Variants in FBN3 observed in about 807,000 individuals in gnomAD.
FBN3 encodes the protein fibrillin-3.
FBN3 carries 234 observed loss-of-function variants against 330.1 expected under a neutral mutation model. That is an observed-to-expected ratio of 0.71 (90% CI 0.64 to 0.79). The LOEUF (loss-of-function observed/expected upper bound fraction) is 0.79. FBN3 is among the 30% of genes least tolerant of loss of function. The pLI, the probability that FBN3 is intolerant of heterozygous loss-of-function variation, is 0.00. For synonymous variants in FBN3, 1,458 were observed against 1,517.3 expected (o/e 0.96, Z 0.91); for missense variants, 3,606 against 3,886.9 (o/e 0.93, Z 1.92).
chr19:8,138,005 C>G (rs1408645362), intron 10 of FBN3, 136 bp downstream of exon 10: 2 of 983,910 alleles, frequency 2.0e-6, no homozygotes, highest in Non-Finnish European at 2.9e-6. Flanking sequence ...CCCTACTAGC[C>G]AGGCCAGGAG....
chr19:8,087,338 A>C, intron 53 of FBN3, 127 bp from the exon 54 acceptor site: 1 of 1,082,086 alleles, frequency 9.2e-7, no homozygotes, highest in Non-Finnish European at 1.3e-6. Flanking sequence ...TCAAATGTCT[A>C]TCCCTCTTAG....
intron 8 of FBN3, 71 bp downstream of exon 8, chr19:8,141,646 C>A: frequency 1.3e-6 from 2 of 1,536,560 alleles, no homozygotes; most frequent in Non-Finnish European, 8.8e-7. Context: ...TGCCTTCCTG[C>A]AGGGGAGCCT....
intron 56 of FBN3, among the ~76,000 whole-genome samples, chr19:8,084,689 G>A (rs111805079): frequency 0.051 from 7,678 of 150,966 alleles, 676 homozygotes; most frequent in African/African-American, 0.18. Flanking sequence ...CGGATTCAAG[G>A]GATTCTCCTG....
chr19:8,124,815 C>T (rs763978042), intron 22 of FBN3, among the ~76,000 whole-genome samples: 25 of 152,074 alleles, frequency 1.6e-4, no homozygotes, highest in Non-Finnish European at 1.5e-4. Context: ...GCATTACAGG[C>T]GTGAGCCACC....
chr19:8,085,350 C>G lies in FBN3; in HGVS notation c.7087+13G>C. 1 of 1,560,686 alleles carries G rather than the reference C, an allele frequency of 6.4e-7. No individual in the cohort carries two copies. Among genetic ancestry groups the G allele is most frequent in the Non-Finnish European group, 8.6e-7 (1 of 1,156,418 alleles). Reference sequence around the variant, plus strand: ...CTTGCCTCCCTGGGGGTCCTGAGGGCATGGGCACCCACCTCGGCCCTCAGC... The same window carrying G: ...CTTGCCTCCCTGGGGGTCCTGAGGGGATGGGCACCCACCTCGGCCCTCAGC... On this transcript the variant is annotated intron_variant, in intron 56 of 63. Coordinates refer to ENST00000600128, the MANE Select transcript of FBN3 (RefSeq NM_032447.5).
rs1331808166 is a variant in FBN3 at position 8,108,151 on chromosome 19, T to A, written c.4687+19A>T. The A allele has an allele frequency of 6.2e-7, 1 of 1,606,928 alleles. No homozygotes were observed. The highest frequency in any genetic ancestry group is 1.7e-5 in the Admixed American group (1 of 58,510). On this transcript the variant is annotated intron_variant, in intron 37 of 63. Coordinates refer to ENST00000600128, the MANE Select transcript of FBN3 (RefSeq NM_032447.5). ...GTCTCTAGGCAGACAGATGGATGGA[T>A]GATCTGCCAGGAACTCACCTTCCAG...
At chr19:8,067,252 A>G (rs2081413936) in intron 63 of FBN3, among the ~76,000 whole-genome samples, 4 of 151,690 alleles carry the variant, frequency 2.6e-5, no homozygotes, top group Admixed American at 6.6e-5. Context: ...CAGCCTCCCA[A>G]GTAGCTGGAA....
rs560265105 is a variant in FBN3, at chr19:8,096,694, G to T, written c.5414-125C>A. ...CCCCACTCAAACTTCCACCAGGGGCGTCAGGCTGTCTGCATGGACCTGAGC... is the reference window on the plus strand; with the variant it reads ...CCCCACTCAAACTTCCACCAGGGGCTTCAGGCTGTCTGCATGGACCTGAGC... On this transcript the variant is annotated intron_variant, in intron 43 of 63. Coordinates refer to ENST00000600128, the MANE Select transcript of FBN3 (RefSeq NM_032447.5). This position sits in a 1 kb window ranked among gnomAD's most constrained non-coding sequence, Gnocchi z 4.6. The T allele has an allele frequency of 8.6e-6, 12 of 1,396,630 alleles. No individual in the cohort carries two copies. Among genetic ancestry groups the T allele is most frequent in the Non-Finnish European group, 1.2e-5 (12 of 1,030,562 alleles). The allele number at this position is 1,396,630 out of a possible 1,614,324, so 86.5% of individuals were successfully genotyped here. A position where few individuals can be genotyped will look rare whatever the true frequency, so the allele number is the denominator to read the frequency against.
chr19:8,117,074 T>C, intron 28 of FBN3, 95 bp downstream of exon 28: 1 of 1,536,206 alleles, frequency 6.5e-7, no homozygotes, highest in Non-Finnish European at 8.8e-7. Flanking sequence ...CTGGCTTCAC[T>C]ATGCTGTGCT....
At chr19:8,079,622 CAG>C (rs1183532037) in intron 59 of FBN3, among the ~76,000 whole-genome samples, 2 of 151,812 alleles carry the variant, frequency 1.3e-5, no homozygotes, top group African/African-American at 2.4e-5. Context: ...GTTTTCGAGA[CAG>C]AGTCTTGCTG....
At chr19:8,068,867 G>A (rs1030430633) in intron 63 of FBN3, among the ~76,000 whole-genome samples, 5 of 152,000 alleles carry the variant, frequency 3.3e-5, no homozygotes, top group African/African-American at 9.7e-5. Context: ...GCAGGGAAAC[G>A]GCCACTGTTA....
In FBN3 at chr19:8,096,062, C is replaced by T. The variant is rs770720896; in HGVS notation, c.5558G>A (p.Arg1853Gln). The T allele has an allele frequency of 5.3e-5, 86 of 1,613,568 alleles. No individual in the cohort carries two copies. In the East Asian group the frequency reaches 1.1e-3, roughly 21 times the overall value. The change falls in exon 45 of 64, where the codon CGG (arginine) becomes CAG (glutamine). Residue 1853 changes from arginine (R) to glutamine (Q), a missense_variant. Coordinates refer to ENST00000600128, the MANE Select transcript of FBN3 (RefSeq NM_032447.5). The surrounding 1 kb of genome is among the most constrained non-coding windows in gnomAD (Gnocchi z 4.6). The part of the protein sequence containing the change: ...TLCMDIDECD[R>Q]QPCGNGTCKN... ...GCAGGTCCCATTTCCACAAGGCTGC[C>T]GGTCACACTCGTCAATGTCTGCAGA... is the stretch of plus-strand genomic sequence containing the variant.
chr19:8,135,238 A>G (rs1331291416), intron 13 of FBN3, among the ~76,000 whole-genome samples: 1 of 151,562 alleles, frequency 6.6e-6, no homozygotes, highest in Non-Finnish European at 1.5e-5. Flanking sequence ...CTTCCAAAGT[A>G]CTGGGATTAC....
intron 63 of FBN3, among the ~76,000 whole-genome samples, chr19:8,068,851 A>G (rs1040224427): frequency 1.3e-5 from 2 of 152,070 alleles, no homozygotes; most frequent in African/African-American, 4.8e-5. Flanking sequence ...GCTGCTTCTG[A>G]GAGAGGCAGG....
At chr19:8,136,879 T>TG (rs535496858) in intron 10 of FBN3, among the ~76,000 whole-genome samples, 15 of 87,072 alleles carry the variant, frequency 1.7e-4, no homozygotes, top group African/African-American at 2.3e-4. Flanking sequence ...CCCTCCAACC[T>TG]GGGCCTGGAT....
At position 8,117,577 on chromosome 19, in the gene FBN3, C is replaced by T; in HGVS notation, c.3350G>A (p.Cys1117Tyr). 6.4e-7 allele frequency: 1 copy of T among 1,551,362 alleles called. No individual in the cohort carries two copies. The highest frequency in any genetic ancestry group is 8.7e-7 in the Non-Finnish European group (1 of 1,146,604). The change falls in exon 27 of 64, where the codon TGC becomes TAC. Residue 1117 changes from cysteine (C) to tyrosine (Y), a missense_variant. Physicochemically the swap from Cys to Tyr is radical, Grantham distance 194. Coordinates refer to ENST00000600128, the MANE Select transcript of FBN3 (RefSeq NM_032447.5). ...GGGACACAGGCCATCACTCAGGGAG[C>T]ACTCATCGATGTCTGTGGGGGAGTG... ...KGTACEDIDE[C>Y]SLSDGLCPHG...
chr19:8,109,452 T>C lies in FBN3; in HGVS notation c.4457-64A>G. ...GGAAAGCTGTATGTGTGCGTGTGCA[T>C]GCATGTGTCTATTTCAACAGGTGAC... On this transcript the variant is annotated intron_variant, in intron 35 of 63. Transcript: ENST00000600128. This position sits in a 1 kb window ranked among gnomAD's most constrained non-coding sequence, Gnocchi z 5.2. The C allele has an allele frequency of 1.9e-6, 3 of 1,571,486 alleles. No individual in the cohort carries two copies. The highest frequency in any genetic ancestry group is 2.6e-6 in the Non-Finnish European group (3 of 1,144,780).
chr19:8,072,965 C>CTGTGTG (rs1265600353), intron 62 of FBN3, 98 bp downstream of exon 62: 3 of 628,328 alleles, frequency 4.8e-6, no homozygotes, highest in Non-Finnish European at 7.2e-6. Flanking sequence ...GCACAAAGCC[C>CTGTGTG]CGTGTGTGTG....
chr19:8,126,051 G>C, intron 21 of FBN3, 34 bp from the exon 22 acceptor site: 1 of 1,612,840 alleles, frequency 6.2e-7, no homozygotes, highest in Non-Finnish European at 8.5e-7. Flanking sequence ...GGAGGGTCCA[G>C]GGAGGGGAAG....
Sources: allele counts gnomAD v4.1 joint callset (sites outside exome capture counted in the v4.1 genomes callset), GRCh38; gene constraint gnomAD v4.1.1; non-coding constraint Gnocchi (gnomAD v3.1); transcripts MANE v1.5; gene names NCBI Gene and HGNC (gene_info 2026-07-23, HGNC 2026-07-21).